The following ITSN1 variants were observed in gnomAD, a reference collection of about 807,000 sequenced individuals.
ITSN1 encodes intersectin 1, also known as intersectin-1.
In ITSN1, 58 loss-of-function variants were observed where a neutral mutation model predicts 239.8. The observed-to-expected ratio is 0.24, with a 90% CI of 0.20 to 0.30. The LOEUF is 0.30. ITSN1 is among the 10% of genes least tolerant of loss of function. ITSN1 has a pLI of 1.00. For missense variants in ITSN1, 1,558 were observed against 2,103.3 expected (o/e 0.74, Z 5.07); for synonymous variants, 780 against 770.8 (o/e 1.01, Z -0.20).
intron 1 of ITSN1, among the ~76,000 whole-genome samples, chr21:33,700,934 TAGA>T (rs756652486): frequency 1.5e-4 from 23 of 149,940 alleles, no homozygotes; most frequent in Non-Finnish European, 2.8e-4. Flanking sequence ...GTAGTACATG[TAGA>T]AGATTTCTTT....
chr21:33,830,639 C>T (rs2074241334), intron 27 of ITSN1, among the ~76,000 whole-genome samples: 1 of 152,100 alleles, frequency 6.6e-6, no homozygotes, highest in African/African-American at 2.4e-5. Context: ...AGACTCAGTG[C>T]AGTATCTAGA....
At chr21:33,745,484 A>G (rs1423186013) in intron 5 of ITSN1, among the ~76,000 whole-genome samples, 1 of 152,188 alleles carries the variant, frequency 6.6e-6, no homozygotes, top group Non-Finnish European at 1.5e-5. Context: ...AAATTAACCA[A>G]AGGTATATAA....
intron 16 of ITSN1, 104 bp downstream of exon 16, chr21:33,782,237 C>A: frequency 9.2e-7 from 1 of 1,084,134 alleles, no homozygotes; most frequent in Non-Finnish European, 1.4e-6. Flanking sequence ...TTTATTATGC[C>A]ATTGTGAGAC....
chr21:33,697,771 A>T (rs2091861274), intron 1 of ITSN1, among the ~76,000 whole-genome samples: 1 of 152,160 alleles, frequency 6.6e-6, no homozygotes, highest in South Asian at 2.1e-4. Flanking sequence ...ATAATGTTTT[A>T]TTCTTGATGA....
At chr21:33,794,086 A>G (rs529405696) in intron 16 of ITSN1, among the ~76,000 whole-genome samples, 1 of 152,352 alleles carries the variant, frequency 6.6e-6, no homozygotes, top group East Asian at 1.9e-4. Context: ...CTTCGCTAGC[A>G]GGTTTCTTCT....
At chr21:33,825,158 T>C (rs1200450245) in intron 25 of ITSN1, among the ~76,000 whole-genome samples, 1 of 152,238 alleles carries the variant, frequency 6.6e-6, no homozygotes, top group Non-Finnish European at 1.5e-5. Flanking sequence ...TTTTCTACTT[T>C]AATAAAACCA....
chr21:33,681,075 A>G (rs1410231337), intron 1 of ITSN1, among the ~76,000 whole-genome samples: 1 of 152,252 alleles, frequency 6.6e-6, no homozygotes, highest in South Asian at 2.1e-4. Context: ...TTCATTGGCC[A>G]AAAGCAAGTC....
chr21:33,760,418 A>G (rs1298158621), intron 8 of ITSN1, among the ~76,000 whole-genome samples: 1 of 152,202 alleles, frequency 6.6e-6, no homozygotes, highest in Non-Finnish European at 1.5e-5. Context: ...ACATGTGCAC[A>G]TGTATATATC....
chr21:33,881,945 CAAA>C (rs370697945), intron 34 of ITSN1, among the ~76,000 whole-genome samples: 7 of 88,394 alleles, frequency 7.9e-5, no homozygotes, highest in Admixed American at 1.2e-4. Flanking sequence ...GACCCTGTCT[CAAA>C]AAAAAAAAAA....
chr21:33,698,584 A>G (rs573029095), intron 1 of ITSN1, among the ~76,000 whole-genome samples: 8 of 152,248 alleles, frequency 5.3e-5, no homozygotes, highest in Non-Finnish European at 8.8e-5. Context: ...CAAATAGCAC[A>G]TGTAGAAGCC....
At chr21:33,844,029 A>G (rs2074911152) in intron 29 of ITSN1, among the ~76,000 whole-genome samples, 2 of 152,336 alleles carry the variant, frequency 1.3e-5, no homozygotes, top group African/African-American at 4.8e-5. Flanking sequence ...CCTTTTAGAA[A>G]GTATGCTTTT....
chr21:33,649,160 C>G (rs1025813024), intron 1 of ITSN1, among the ~76,000 whole-genome samples: 1 of 151,982 alleles, frequency 6.6e-6, no homozygotes, highest in African/African-American at 2.4e-5. Context: ...TCCATGTTGG[C>G]GAGTTTGGAG....
chr21:33,704,934 A>C (rs1352978471), intron 1 of ITSN1, among the ~76,000 whole-genome samples: 3 of 146,520 alleles, frequency 2.0e-5, no homozygotes, highest in African/African-American at 7.8e-5. Context: ...AAAAAAAAAA[A>C]AAAAAAAAAA....
chr21:33,808,585 CAA>C (rs202211309), intron 20 of ITSN1, among the ~76,000 whole-genome samples: 10 of 108,122 alleles, frequency 9.2e-5, no homozygotes, highest in Admixed American at 1.9e-4. Flanking sequence ...GACTCCATCT[CAA>C]AAAAAAAAAA....
At position 33,898,120 on chromosome 21, in the gene ITSN1, C is replaced by G. The variant is rs539110704; in HGVS notation, c.*9820C>G. ...TCATCAGATCCATGTGCCACGCAGG[C>G]TTCCTTGGGTTCTAGTGGATTTGTT... is the stretch of plus-strand genomic sequence containing the variant. On this transcript the variant is annotated 3_prime_UTR_variant, in exon 40 of 40. Coordinates refer to ENST00000381318, the MANE Select transcript of ITSN1 (RefSeq NM_003024.3). 1 of 152,320 alleles carries G rather than the reference C, an allele frequency of 6.6e-6. No homozygotes were observed. The highest frequency in any genetic ancestry group is 2.4e-5 in the African/African-American group (1 of 41,566). The allele number at this position is 152,320 out of a possible 1,614,324, so 9.4% of individuals were successfully genotyped here.
At chr21:33,829,292 TG>T in intron 26 of ITSN1, 1 of 348,032 alleles carries the variant, frequency 2.9e-6, no homozygotes, top group Non-Finnish European at 5.5e-6. Context: ...CAGGGCATTC[TG>T]GGTAATTATG....
At chr21:33,863,524 C>T (rs531688328) in intron 31 of ITSN1, among the ~76,000 whole-genome samples, 2 of 152,200 alleles carry the variant, frequency 1.3e-5, no homozygotes, top group South Asian at 2.1e-4. Context: ...GGCATGGTGG[C>T]GGGTGCCTGT....
chr21:33,661,983 T>G lies in ITSN1; in HGVS notation c.-33+19270T>G, dbSNP rs184198945. ...CCATCTGAACCCCCATGAAAGGGTCTTAGGACTCCCAGGGATCCACAGACC... is the reference window on the plus strand; with the variant it reads ...CCATCTGAACCCCCATGAAAGGGTCGTAGGACTCCCAGGGATCCACAGACC... On this transcript the variant is annotated intron_variant, in intron 1 of 39. Transcript: ENST00000381318. Among the ~76,000 whole-genome samples, 964 of 152,252 alleles carry G rather than the reference T, an allele frequency of 6.3e-3. 44 individuals are homozygous for G. Among genetic ancestry groups the G allele is most frequent in the Admixed American group, 0.058 (884 of 15,272 alleles).
chr21:33,700,431 T>C (rs2091958655), intron 1 of ITSN1, among the ~76,000 whole-genome samples: 1 of 152,116 alleles, frequency 6.6e-6, no homozygotes, highest in Non-Finnish European at 1.5e-5. Flanking sequence ...CTGTCCTTAC[T>C]CCTCTGGCCT....
Sources: gnomAD v4.1 joint callset for allele counts (sites outside exome capture counted in the v4.1 genomes callset) on GRCh38, gnomAD v4.1.1 for gene constraint, MANE v1.5 for transcripts, NCBI Gene and HGNC (gene_info 2026-07-23, HGNC 2026-07-21) for gene names.